ANAPC7: variants seen among roughly 807,000 people sequenced by gnomAD.
ANAPC7 encodes the protein anaphase-promoting complex subunit 7.
ANAPC7 carries 25 observed loss-of-function variants against 63.3 expected under a neutral mutation model. That is an observed-to-expected ratio of 0.39 (90% CI 0.29 to 0.55). ANAPC7 has a LOEUF of 0.55. ANAPC7 is among the 20% of genes least tolerant of loss of function. ANAPC7 has a pLI of 0.57. For missense variants in ANAPC7, 516 were observed against 691.7 expected (o/e 0.75, Z 2.85); for synonymous variants, 241 against 251.7 (o/e 0.96, Z 0.40).
At chr12:110,386,221 C>T in intron 6 of ANAPC7, 106 bp downstream of exon 6, 4 of 1,504,400 alleles carry the variant, frequency 2.7e-6, no homozygotes, top group Non-Finnish European at 3.6e-6. Context: ...TTTTATACAC[C>T]ATTTCTATGA....
chr12:110,375,127 G>A (rs909342442), intron 10 of ANAPC7, among the ~76,000 whole-genome samples: 5 of 152,158 alleles, frequency 3.3e-5, no homozygotes, highest in African/African-American at 4.8e-5. Flanking sequence ...CGTTTCTACC[G>A]ATATAAATGC....
intron 8 of ANAPC7, 78 bp from the exon 9 acceptor site, chr12:110,377,695 A>C: frequency 6.3e-7 from 1 of 1,592,376 alleles, no homozygotes; most frequent in Non-Finnish European, 8.6e-7. Flanking sequence ...CAGCTCTCCA[A>C]ATTGCTAACC....
In ANAPC7 at chr12:110,374,096, A is replaced by C; in HGVS notation, c.*48T>G. 2.6e-6 allele frequency: 4 copies of C among 1,541,024 alleles called. No individual in the cohort carries two copies. The highest frequency in any genetic ancestry group is 3.5e-6 in the Non-Finnish European group (4 of 1,146,412). On this transcript the variant is annotated 3_prime_UTR_variant, in exon 11 of 11. Coordinates refer to ENST00000455511, the MANE Select transcript of ANAPC7 (RefSeq NM_016238.3). ...TCCTACGGTTCCTTCAGTCCACGGA[A>C]GTGCTCAGAGCAGGGCAGGCCACTG...
In ANAPC7 at chr12:110,377,456, CTAA is replaced by C. The variant is rs748864802; in HGVS notation, c.1291_1293del (p.Leu431del). On this transcript the variant is annotated inframe_deletion, in exon 9 of 11. Transcript: ENST00000455511. ...TCTGGCCTTTGGGTCAGGGCTTTATCTAATAATGTTTTGGCTTTCTCCTGTGTC... is the reference window on the plus strand; with the variant it reads ...TCTGGCCTTTGGGTCAGGGCTTTATCTAATGTTTTGGCTTTCTCCTGTGTC... 2 of 1,614,168 alleles carry C rather than the reference CTAA, an allele frequency of 1.2e-6. No individual in the cohort carries two copies. Among genetic ancestry groups the C allele is most frequent in the East Asian group, 2.2e-5 (1 of 44,884 alleles).
chr12:110,386,699 C>A, intron 5 of ANAPC7: 1 of 443,328 alleles, frequency 2.3e-6, no homozygotes, highest in Non-Finnish European at 4.0e-6. Context: ...TCTGTGGTTG[C>A]AGTTCTTCAG....
chr12:110,390,088 G>A (rs1882973388), intron 3 of ANAPC7, among the ~76,000 whole-genome samples: 2 of 150,526 alleles, frequency 1.3e-5, no homozygotes, highest in African/African-American at 4.9e-5. Flanking sequence ...TTTTTTTTGA[G>A]ACGGAGTTTC....
At chr12:110,382,563 C>CTTTTTATT (rs1188281379) in intron 7 of ANAPC7, among the ~76,000 whole-genome samples, 1 of 145,478 alleles carries the variant, frequency 6.9e-6, no homozygotes, top group Non-Finnish European at 1.5e-5. Context: ...GTAATTACCT[C>CTTTTTATT]TTTTTATTTT....
chr12:110,394,669 CAAAAA>C (rs779142936), intron 3 of ANAPC7, among the ~76,000 whole-genome samples: 27 of 42,776 alleles, frequency 6.3e-4, no homozygotes, highest in South Asian at 1.0e-3. Context: ...AATTCCACCT[CAAAAA>C]AAAAAAAAAA....
chr12:110,387,433 C>T (rs57846014), intron 5 of ANAPC7: 1 of 40,284 alleles, frequency 2.5e-5, no homozygotes, highest in Non-Finnish European at 4.4e-5. Context: ...GAGAGAGAGA[C>T]CGACCTTGTC....
In ANAPC7 at chr12:110,374,290, T is replaced by A; in HGVS notation, c.1552A>T (p.Met518Leu). ...TCCGTGGGACTCTCCTCCTTCTCCA[T>A]CTTCTGCATCCCCTCTAGAGACTTC... ...DQKSLEGMQKMEKEESPTDAT... is the reference protein window; with the variant it reads ...DQKSLEGMQKLEKEESPTDAT... The change falls in exon 11 of 11, where the codon ATG (methionine) becomes TTG (leucine). Residue 518 changes from methionine (M) to leucine (L), a missense_variant. Transcript: ENST00000455511. 6.2e-7 allele frequency: 1 copy of A among 1,614,140 alleles called. No individual in the cohort carries two copies. The highest frequency in any genetic ancestry group is 8.5e-7 in the Non-Finnish European group (1 of 1,180,038).
Position 110,373,924 on chromosome 12 carries a change from C to T in ANAPC7, c.*220G>A. On this transcript the variant is annotated 3_prime_UTR_variant, in exon 11 of 11. Transcript: ENST00000455511. The stretch of plus-strand genomic sequence containing the variant: ...GTCTCGGGGCACTCCCTCAGTCCTC[C>T]CTGGCTGGAGCAGGGGAGGATGGAG... The T allele has an allele frequency of 2.1e-6, 1 of 481,388 alleles. No homozygotes were observed. The highest frequency in any genetic ancestry group is 3.4e-5 in the East Asian group (1 of 29,644). 29.8% of individuals were successfully genotyped at this position (481,388 alleles called of 1,614,324 possible).
At chr12:110,396,515 T>C in intron 1 of ANAPC7, 63 bp from the exon 2 acceptor site, 2 of 1,342,856 alleles carry the variant, frequency 1.5e-6, no homozygotes, top group Non-Finnish European at 2.0e-6. Flanking sequence ...TCCCCCAGCT[T>C]CTTTTTTTTT....
rs777012063 is a variant in ANAPC7 at position 110,403,659 on chromosome 12, A to G, written c.-32T>C. The G allele has an allele frequency of 3.1e-5, 48 of 1,569,058 alleles. No individual in the cohort carries two copies. Among genetic ancestry groups the G allele is most frequent in the Admixed American group, 1.7e-4 (9 of 52,606 alleles). On this transcript the variant is annotated 5_prime_UTR_variant, in exon 1 of 11. Transcript: ENST00000455511. ...CTGCAAAGCCGCGGGCAGCGGCGGC[A>G]GCACTGACTCGAAAAGCCGGTAGAG... is the stretch of plus-strand genomic sequence containing the variant.
chr12:110,402,872 A>G (rs962987882), intron 1 of ANAPC7, among the ~76,000 whole-genome samples: 2 of 152,092 alleles, frequency 1.3e-5, no homozygotes, highest in Admixed American at 1.3e-4. Context: ...AGTAGCTGGG[A>G]CCGCAGGCAC....
chr12:110,391,280 G>A (rs925487974), intron 3 of ANAPC7, among the ~76,000 whole-genome samples: 3 of 152,048 alleles, frequency 2.0e-5, no homozygotes, highest in African/African-American at 7.2e-5. Context: ...ATAAACACAA[G>A]CAGTCATCAT....
At chr12:110,395,290 CAT>C (rs1883474715) in intron 2 of ANAPC7, 70 bp from the exon 3 acceptor site, 4 of 1,442,990 alleles carry the variant, frequency 2.8e-6, no homozygotes, top group African/African-American at 2.8e-5. Context: ...AAACGTTAAA[CAT>C]AGAGTTATCA....
intron 1 of ANAPC7, among the ~76,000 whole-genome samples, chr12:110,402,640 G>A (rs1373651350): frequency 6.6e-6 from 1 of 151,236 alleles, no homozygotes; most frequent in Non-Finnish European, 1.5e-5. Context: ...GGCCAATAAA[G>A]GATATTAAGC....
intron 3 of ANAPC7, 54 bp downstream of exon 3, chr12:110,395,047 G>C: frequency 1.3e-6 from 2 of 1,571,082 alleles, no homozygotes; most frequent in Admixed American, 1.9e-5. Context: ...AACATGGAGA[G>C]AGGGAGCAGG....
chr12:110,387,584 T>G (rs867713124), intron 5 of ANAPC7, 155 bp downstream of exon 5: 2 of 798,608 alleles, frequency 2.5e-6, no homozygotes, highest in African/African-American at 3.4e-5. Flanking sequence ...TGATTACATT[T>G]GGGACCATTC....
Sources: gnomAD v4.1 joint callset for allele counts (sites outside exome capture counted in the v4.1 genomes callset) on GRCh38, gnomAD v4.1.1 for gene constraint, MANE v1.5 for transcripts, NCBI Gene and HGNC (gene_info 2026-07-23, HGNC 2026-07-21) for gene names.